The following IMMP2L variants were observed in gnomAD, a reference collection of about 807,000 sequenced individuals.
The protein encoded by IMMP2L is inner mitochondrial membrane peptidase subunit 2, also known as mitochondrial inner membrane protease subunit 2.
A neutral mutation model predicts 19.3 loss-of-function variants in IMMP2L; 18 were observed. The ratio of observed to expected loss-of-function variants is 0.93; its 90% CI spans 0.64 to 1.38. The LOEUF is 1.38. Among genes scored for constraint, IMMP2L ranks in the 40% most tolerant of loss-of-function variants. The probability of loss-of-function intolerance (pLI) is 0.00; values close to 1 mark genes in which losing one functional copy is unlikely to be tolerated. For missense variants in IMMP2L, 233 were observed against 218.2 expected (o/e 1.07, Z -0.43); for synonymous variants, 76 against 73.0 (o/e 1.04, Z -0.21).
chr7:111,145,689 A>C (rs1803393988), intron 3 of IMMP2L, among the ~76,000 whole-genome samples: 1 of 152,076 alleles, frequency 6.6e-6, no homozygotes, highest in Admixed American at 6.6e-5. Context: ...GTGAATGCTG[A>C]GTCTGGTGGT....
At chr7:111,561,518 G>A (rs1404384062) in intron 1 of IMMP2L, among the ~76,000 whole-genome samples, 1 of 152,118 alleles carries the variant, frequency 6.6e-6, no homozygotes, top group Non-Finnish European at 1.5e-5. Context: ...GTCAAAGCTG[G>A]CTAATAAGAT....
chr7:111,529,180 A>G (rs909361903), intron 1 of IMMP2L, among the ~76,000 whole-genome samples: 2 of 152,222 alleles, frequency 1.3e-5, no homozygotes, highest in Non-Finnish European at 2.9e-5. Context: ...GTATATGACC[A>G]TAAATAATCC....
intron 3 of IMMP2L, among the ~76,000 whole-genome samples, chr7:111,284,108 T>C (rs973390869): frequency 3.9e-5 from 6 of 152,126 alleles, no homozygotes; most frequent in African/African-American, 1.4e-4. Flanking sequence ...TAAAATACCC[T>C]GTAGTTCTCA....
intron 5 of IMMP2L, among the ~76,000 whole-genome samples, chr7:110,864,543 C>G (rs1279417557): frequency 2.0e-5 from 3 of 152,080 alleles, no homozygotes; most frequent in African/African-American, 7.2e-5. Context: ...TTTAGCATCT[C>G]TCATGCTCCC....
At chr7:111,128,502 C>T (rs868134051) in intron 3 of IMMP2L, among the ~76,000 whole-genome samples, 6 of 151,988 alleles carry the variant, frequency 3.9e-5, no homozygotes, top group Non-Finnish European at 7.4e-5. Context: ...AGAAACTAGC[C>T]TAATAGTATT....
At chr7:111,263,054 G>A (rs910436334) in intron 3 of IMMP2L, among the ~76,000 whole-genome samples, 1 of 152,102 alleles carries the variant, frequency 6.6e-6, no homozygotes, top group African/African-American at 2.4e-5. Flanking sequence ...GAGGCTTAAC[G>A]AGTAGTCAGA....
chr7:111,201,702 C>G (rs1048014141), intron 3 of IMMP2L, among the ~76,000 whole-genome samples: 1 of 143,910 alleles, frequency 6.9e-6, no homozygotes, highest in Admixed American at 7.1e-5. Context: ...GGCAACAGAG[C>G]AAGACCCTGT....
chr7:111,435,585 T>C (rs570642436), intron 3 of IMMP2L, among the ~76,000 whole-genome samples: 1 of 152,042 alleles, frequency 6.6e-6, no homozygotes, highest in Non-Finnish European at 1.5e-5. Flanking sequence ...CAATGTTCAC[T>C]ATTCAGGTGA....
At chr7:110,788,457 C>A (rs894362650) in intron 5 of IMMP2L, among the ~76,000 whole-genome samples, 1 of 151,640 alleles carries the variant, frequency 6.6e-6, no homozygotes, top group Non-Finnish European at 1.5e-5. Flanking sequence ...TGGATGACTC[C>A]TTTTCATCTT....
At chr7:111,341,400 T>C (rs1011638221) in intron 3 of IMMP2L, among the ~76,000 whole-genome samples, 1 of 152,138 alleles carries the variant, frequency 6.6e-6, no homozygotes, top group Non-Finnish European at 1.5e-5. Flanking sequence ...GAATAAATGA[T>C]GTAAACTGCA....
intron 3 of IMMP2L, among the ~76,000 whole-genome samples, chr7:110,979,181 A>C (rs1820995738): frequency 6.6e-6 from 1 of 152,136 alleles, no homozygotes; most frequent in African/African-American, 2.4e-5. Flanking sequence ...ATGAATATCC[A>C]CATGAATTTA....
intron 3 of IMMP2L, among the ~76,000 whole-genome samples, chr7:111,473,496 G>C (rs1254077564): frequency 1.3e-5 from 2 of 152,154 alleles, no homozygotes; most frequent in Admixed American, 6.6e-5. Flanking sequence ...CTATATAGCA[G>C]ATGCTAAGTG....
rs1486037572 is a variant in IMMP2L at position 110,847,742 on chromosome 7, A to G, written c.408+38851T>C. On this transcript the variant is annotated intron_variant, in intron 5 of 5. Transcript: ENST00000405709. Reference sequence around the variant, plus strand: ...AACAGAACAAACTAGTGAGCCCAGAAACAGGGCCACAGGATATAGTCAACT... The same window carrying G: ...AACAGAACAAACTAGTGAGCCCAGAGACAGGGCCACAGGATATAGTCAACT... Among the ~76,000 whole-genome samples the G allele has an allele frequency of 2.0e-5, 3 of 152,184 alleles. 1 individual carries two copies. Among genetic ancestry groups the G allele is most frequent in the Non-Finnish European group, 4.4e-5 (3 of 68,024 alleles).
chr7:110,666,083 T>C (rs751941781), intron 5 of IMMP2L, among the ~76,000 whole-genome samples: 3 of 152,198 alleles, frequency 2.0e-5, no homozygotes, highest in Non-Finnish European at 2.9e-5. Flanking sequence ...TTTTTATTTA[T>C]CCGTTTGATG....
intron 2 of IMMP2L, among the ~76,000 whole-genome samples, chr7:111,499,236 T>C (rs1843904246): frequency 6.6e-6 from 1 of 152,096 alleles, no homozygotes; most frequent in Non-Finnish European, 1.5e-5. Context: ...TAAGGCCAAG[T>C]CAAGAATCAG....
chr7:110,817,693 T>C (rs528992897), intron 5 of IMMP2L, among the ~76,000 whole-genome samples: 1 of 152,140 alleles, frequency 6.6e-6, no homozygotes, highest in East Asian at 1.9e-4. Flanking sequence ...GGAAGCATCA[T>C]GCTACCTGAC....
intron 5 of IMMP2L, among the ~76,000 whole-genome samples, chr7:110,821,670 T>C (rs1803042432): frequency 6.6e-6 from 1 of 151,998 alleles, no homozygotes; most frequent in Non-Finnish European, 1.5e-5. Context: ...CCCAGCACTT[T>C]GGGAGGCCGA....
intron 3 of IMMP2L, among the ~76,000 whole-genome samples, chr7:111,055,508 C>T (rs1288129280): frequency 6.6e-6 from 1 of 152,160 alleles, no homozygotes; most frequent in Non-Finnish European, 1.5e-5. Flanking sequence ...AACCCGTTTG[C>T]AAACCTTTGC....
chr7:111,023,668 T>C (rs532778544), intron 3 of IMMP2L, among the ~76,000 whole-genome samples: 128 of 152,120 alleles, frequency 8.4e-4, no homozygotes, highest in Non-Finnish European at 1.2e-3. Context: ...GATCATGCCA[T>C]TGCACTCCAG....
Sources: gnomAD v4.1 joint callset for allele counts (sites outside exome capture counted in the v4.1 genomes callset) on GRCh38, gnomAD v4.1.1 for gene constraint, MANE v1.5 for transcripts, NCBI Gene and HGNC (gene_info 2026-07-23, HGNC 2026-07-21) for gene names.